ERCC6L2: variants seen among roughly 807,000 people sequenced by gnomAD.
The protein encoded by ERCC6L2 is ERCC excision repair 6 like 2, also known as DNA excision repair protein ERCC-6-like 2.
A neutral mutation model predicts 132.0 loss-of-function variants in ERCC6L2; 77 were observed. The ratio of observed to expected loss-of-function variants is 0.58; its 90% CI spans 0.49 to 0.71. The LOEUF (loss-of-function observed/expected upper bound fraction) is 0.71, where lower values mean the gene tolerates loss of function less well. ERCC6L2 is among the 30% of genes least tolerant of loss of function. ERCC6L2 has a pLI of 0.00. For missense variants in ERCC6L2, 1,542 were observed against 1,837.6 expected (o/e 0.84, Z 2.94); for synonymous variants, 583 against 632.4 (o/e 0.92, Z 1.17).
At chr9:95,876,226 C>A in intron 1 of ERCC6L2, 142 bp downstream of exon 1, 1 of 698,722 alleles carries the variant, frequency 1.4e-6, no homozygotes, top group Non-Finnish European at 2.3e-6. Context: ...CCCCTCCAGG[C>A]CTGGAACCAA....
chr9:96,020,583 G>A (rs77652876), downstream of ERCC6L2: 40 of 363,418 alleles, frequency 1.1e-4, no homozygotes, highest in East Asian at 2.8e-3. Flanking sequence ...TGGACAAGCA[G>A]GTCTCAAGAA....
intron 13 of ERCC6L2, among the ~76,000 whole-genome samples, chr9:95,963,094 A>G (rs1306446712): frequency 2.0e-5 from 3 of 151,946 alleles, no homozygotes; most frequent in East Asian, 3.9e-4. Flanking sequence ...GTGCTCCTTC[A>G]GGTTTGGAGC....
chr9:95,906,475 A>T, intron 3 of ERCC6L2: 1 of 345,314 alleles, frequency 2.9e-6, no homozygotes, highest in Non-Finnish European at 5.7e-6. Flanking sequence ...CAGCGTACCC[A>T]TGGCAACAGG....
chr9:95,927,648 AGATGT>A (rs879603033), intron 9 of ERCC6L2, among the ~76,000 whole-genome samples: 13 of 152,210 alleles, frequency 8.5e-5, no homozygotes, highest in Non-Finnish European at 1.5e-4. Flanking sequence ...TTTAGAACCT[AGATGT>A]AATTGAACAC....
At chr9:95,935,283 T>C (rs1352581669) in intron 11 of ERCC6L2, among the ~76,000 whole-genome samples, 9 of 152,296 alleles carry the variant, frequency 5.9e-5, no homozygotes. Context: ...GTAAAGGGCA[T>C]TTTAGGCACA....
At chr9:95,945,529 G>A (rs1277171037) in intron 12 of ERCC6L2, among the ~76,000 whole-genome samples, 1 of 152,164 alleles carries the variant, frequency 6.6e-6, no homozygotes, top group Non-Finnish European at 1.5e-5. Flanking sequence ...AAATCACAAG[G>A]GTATTGACTG....
At chr9:95,966,884 TCTAAA>T (rs374403172) in intron 14 of ERCC6L2, 170 bp downstream of exon 14, 77 of 444,866 alleles carry the variant, frequency 1.7e-4, no homozygotes, top group African/African-American at 1.4e-3. Flanking sequence ...TTATTGTACC[TCTAAA>T]CTAAGATTTT....
chr9:95,892,552 AG>A (rs1380937088), intron 2 of ERCC6L2, among the ~76,000 whole-genome samples: 1 of 150,754 alleles, frequency 6.6e-6, no homozygotes, highest in Non-Finnish European at 1.5e-5. Flanking sequence ...CCTCCCAAGT[AG>A]CTGGGATTAT....
chr9:96,029,303 C>CAAAAAAAAAAAAAAAAAAAAAAAAAA (rs201014094), intron 19 of ERCC6L2, among the ~76,000 whole-genome samples: 1 of 81,778 alleles, frequency 1.2e-5, no homozygotes, highest in African/African-American at 3.9e-5. Context: ...GACTCCGTCT[C>CAAAAAAAAAAAAAAAAAAAAAAAAAA]AAAAAAAAAA....
intron 12 of ERCC6L2, 89 bp downstream of exon 12, chr9:95,941,638 A>G (rs1830807615): frequency 8.6e-6 from 8 of 935,166 alleles, no homozygotes; most frequent in South Asian, 2.9e-5. Flanking sequence ...TACTATGACT[A>G]TGATTAGAAG....
At chr9:95,978,449 T>G (rs753095253) in intron 17 of ERCC6L2, among the ~76,000 whole-genome samples, 1 of 152,172 alleles carries the variant, frequency 6.6e-6, no homozygotes, top group Non-Finnish European at 1.5e-5. Flanking sequence ...TAATAGTTTC[T>G]CTCAATAAAA....
chr9:96,000,931 C>G (rs1588042607), intron 17 of ERCC6L2, among the ~76,000 whole-genome samples: 1 of 152,312 alleles, frequency 6.6e-6, no homozygotes, highest in East Asian at 1.9e-4. Flanking sequence ...AGTGTTACAG[C>G]TCTTAAGGTG....
At chr9:96,020,357 TG>T (rs1834264075), downstream of ERCC6L2, 2 of 179,262 alleles carry the variant, frequency 1.1e-5, no homozygotes, top group Non-Finnish European at 2.4e-5. Context: ...CTTCAGCAGG[TG>T]GATAAGATGG....
chr9:96,033,243 T>C (rs1834482212), intron 19 of ERCC6L2, among the ~76,000 whole-genome samples: 1 of 131,966 alleles, frequency 7.6e-6, no homozygotes, highest in African/African-American at 2.8e-5. Context: ...CATAAATGAT[T>C]CTGGGTTGTT....
At chr9:96,008,885 T>C (rs1478581988) in intron 18 of ERCC6L2, among the ~76,000 whole-genome samples, 1 of 152,252 alleles carries the variant, frequency 6.6e-6, no homozygotes, top group Non-Finnish European at 1.5e-5. Context: ...CTTTTGTTTA[T>C]CTGCTGCATC....
chr9:95,965,697 G>A (rs746351137), intron 13 of ERCC6L2, among the ~76,000 whole-genome samples: 6 of 152,000 alleles, frequency 3.9e-5, no homozygotes, highest in Non-Finnish European at 7.4e-5. Context: ...TAGAGAAGGG[G>A]TTTCACCACG....
intron 12 of ERCC6L2, among the ~76,000 whole-genome samples, chr9:95,945,175 A>G (rs1830998425): frequency 6.6e-6 from 1 of 152,166 alleles, no homozygotes; most frequent in Admixed American, 6.5e-5. Flanking sequence ...CGGCCATTTC[A>G]GAGGCCTACC....
intron 17 of ERCC6L2, among the ~76,000 whole-genome samples, chr9:95,986,122 T>C (rs1833085074): frequency 6.6e-6 from 1 of 152,170 alleles, no homozygotes; most frequent in Non-Finnish European, 1.5e-5. Context: ...TCCTCATCTT[T>C]CTCTTTACTT....
chr9:95,936,718 A>T (rs182383178), intron 11 of ERCC6L2, among the ~76,000 whole-genome samples: 11 of 152,332 alleles, frequency 7.2e-5, no homozygotes, highest in Admixed American at 5.9e-4. Flanking sequence ...TGAAGAGCAG[A>T]ACATTTCCAT....
Sources: allele counts gnomAD v4.1 joint callset (sites outside exome capture counted in the v4.1 genomes callset), GRCh38; gene constraint gnomAD v4.1.1; transcripts MANE v1.5; gene names NCBI Gene and HGNC (gene_info 2026-07-23, HGNC 2026-07-21).